UBE2L3: variants seen among roughly 807,000 people sequenced by gnomAD.
UBE2L3 encodes the protein ubiquitin-conjugating enzyme E2 L3.
Under a neutral mutation model 17.8 loss-of-function variants are expected in UBE2L3, and 1 was observed. The ratio of observed to expected loss-of-function variants is 0.06; its 90% CI spans 0.02 to 0.27. The LOEUF is 0.27. UBE2L3 is among the 10% of genes least tolerant of loss of function. The probability of loss-of-function intolerance (pLI) is 1.00; values close to 1 mark genes in which losing one functional copy is unlikely to be tolerated. For synonymous variants in UBE2L3, 44 were observed against 68.5 expected, an observed-to-expected ratio of 0.64 and a Z score of 1.76; for missense variants, 40 against 192.6, an observed-to-expected ratio of 0.21 and a Z score of 4.69.
chr22:21,556,760 C>T lies in UBE2L3; in HGVS notation c.201+7110C>T, dbSNP rs565746238. ...TACAGGCATGAGCCACCACACCTGGCCAATAAAAAAATTAATAGGCTGGGC... is the reference window on the plus strand; with the variant it reads ...TACAGGCATGAGCCACCACACCTGGTCAATAAAAAAATTAATAGGCTGGGC... On this transcript the variant is annotated intron_variant, in intron 1 of 3. Transcript: ENST00000458578. Among the ~76,000 whole-genome samples, 143 of 152,320 alleles carry T rather than the reference C, an allele frequency of 9.4e-4. 1 individual carries two copies. Among genetic ancestry groups the T allele is most frequent in the African/African-American group, 2.6e-3 (107 of 41,544 alleles).
chr22:21,615,900 G>C (rs1045286895), intron 3 of UBE2L3, among the ~76,000 whole-genome samples: 1 of 152,134 alleles, frequency 6.6e-6, no homozygotes, highest in Admixed American at 6.5e-5. Context: ...TGTGCTTTTT[G>C]TTGGTGATTT....
chr22:21,607,613 G>C (rs1326531010), intron 2 of UBE2L3, among the ~76,000 whole-genome samples: 2 of 152,102 alleles, frequency 1.3e-5, no homozygotes, highest in East Asian at 3.9e-4. Context: ...TGGCAGACCT[G>C]GGTGAGGGAA....
chr22:21,615,276 C>T (rs1329527724), intron 3 of UBE2L3, among the ~76,000 whole-genome samples: 3 of 151,968 alleles, frequency 2.0e-5, no homozygotes, highest in Non-Finnish European at 4.4e-5. Flanking sequence ...GCTAAATGGG[C>T]CGGGCGCGGT....
chr22:21,559,252 G>A (rs1203709795), intron 1 of UBE2L3, among the ~76,000 whole-genome samples: 2 of 152,150 alleles, frequency 1.3e-5, no homozygotes, highest in East Asian at 1.9e-4. Flanking sequence ...GGAGGCTGAG[G>A]CAGGAGAATT....
intron 3 of UBE2L3, among the ~76,000 whole-genome samples, chr22:21,617,587 C>T (rs1929841732): frequency 6.6e-6 from 1 of 151,948 alleles, no homozygotes; most frequent in African/African-American, 2.4e-5. Context: ...TTTTAAGCCC[C>T]TACATTTTGC....
At chr22:21,556,753 C>T (rs1432876978) in intron 1 of UBE2L3, among the ~76,000 whole-genome samples, 1 of 152,222 alleles carries the variant, frequency 6.6e-6, no homozygotes. Context: ...TGAGCCACCA[C>T]ACCTGGCCAA....
intron 3 of UBE2L3, among the ~76,000 whole-genome samples, chr22:21,614,955 A>AC (rs1601442423): frequency 6.6e-6 from 1 of 151,440 alleles, no homozygotes; most frequent in East Asian, 2.0e-4. Flanking sequence ...GGAGTTCAAG[A>AC]CCAGCCTGGC....
chr22:21,576,423 G>A (rs920983080), intron 1 of UBE2L3, among the ~76,000 whole-genome samples: 7 of 151,320 alleles, frequency 4.6e-5, no homozygotes, highest in African/African-American at 1.2e-4. Context: ...TCAGCCTCCC[G>A]AGTAGCCAGG....
Position 21,613,750 on chromosome 22 carries a change from T to C in UBE2L3, c.310+2707T>C, listed in dbSNP as rs1601441215. 2.6e-5 allele frequency among the ~76,000 whole-genome samples: 4 copies of C among 152,214 alleles called. No homozygotes were observed. In the East Asian group the frequency reaches 7.7e-4, roughly 29 times the overall value. ...ATTCCTGGGGTCACTCATGCAGCTG[T>C]ATTGAGGTGGGAACTCAACTTGGCT... On this transcript the variant is annotated intron_variant, in intron 3 of 3. Transcript: ENST00000342192.
intron 1 of UBE2L3, among the ~76,000 whole-genome samples, chr22:21,581,818 A>G (rs1416105488): frequency 6.6e-6 from 1 of 151,506 alleles, no homozygotes; most frequent in Admixed American, 6.6e-5. Flanking sequence ...AAAGAAAAAA[A>G]AATTCAGAAC....
intron 2 of UBE2L3, among the ~76,000 whole-genome samples, chr22:21,607,588 C>A (rs982035623): frequency 6.6e-6 from 1 of 151,050 alleles, no homozygotes; most frequent in Admixed American, 6.6e-5. Flanking sequence ...GTTGGGTGTG[C>A]CATGGCAAGT....
At chr22:21,612,638 C>CTTTTATTTTTTT in intron 3 of UBE2L3, among the ~76,000 whole-genome samples, 1 of 60,524 alleles carries the variant, frequency 1.7e-5, no homozygotes, top group Admixed American at 2.2e-4. Flanking sequence ...TTTTTCTTTT[C>CTTTTATTTTTTT]TTTTCTTTTT....
At chr22:21,569,417 A>G (rs984785169) in intron 1 of UBE2L3, among the ~76,000 whole-genome samples, 2 of 141,516 alleles carry the variant, frequency 1.4e-5, no homozygotes, top group Admixed American at 7.1e-5. Context: ...AAAAAAAAAG[A>G]TTTCTGGAGT....
intron 1 of UBE2L3, among the ~76,000 whole-genome samples, chr22:21,591,880 G>A (rs1358465398): frequency 1.3e-5 from 2 of 152,170 alleles, no homozygotes; most frequent in Non-Finnish European, 2.9e-5. Context: ...GGGCTGAGGC[G>A]GGTAGAGTGG....
At chr22:21,591,644 G>A (rs1359767065) in intron 1 of UBE2L3, among the ~76,000 whole-genome samples, 1 of 152,146 alleles carries the variant, frequency 6.6e-6, no homozygotes, top group African/African-American at 2.4e-5. Context: ...TGTGATGGAA[G>A]TATGAGGTGC....
intron 1 of UBE2L3, among the ~76,000 whole-genome samples, chr22:21,560,089 C>T (rs1487220829): frequency 6.6e-6 from 1 of 152,226 alleles, no homozygotes; most frequent in Non-Finnish European, 1.5e-5. Context: ...GCCTCTGCAG[C>T]GAGTGGTCAG....
chr22:21,582,350 T>TG (rs1927688520), intron 1 of UBE2L3, among the ~76,000 whole-genome samples: 1 of 151,086 alleles, frequency 6.6e-6, no homozygotes, highest in East Asian at 1.9e-4. Flanking sequence ...TGGGTTTTTT[T>TG]TTGTTGTTGT....
At chr22:21,590,360 G>A (rs2148420331) in intron 1 of UBE2L3, among the ~76,000 whole-genome samples, 1 of 152,114 alleles carries the variant, frequency 6.6e-6, no homozygotes, top group South Asian at 2.1e-4. Context: ...ACCACACCCG[G>A]CTGATTTTTG....
At chr22:21,580,293 T>C (rs1182191442) in intron 1 of UBE2L3, among the ~76,000 whole-genome samples, 2 of 152,232 alleles carry the variant, frequency 1.3e-5, no homozygotes, top group African/African-American at 4.8e-5. Context: ...ATCTGTGAAA[T>C]GGGGCTAATA....
Sources: gnomAD v4.1 joint callset for allele counts (sites outside exome capture counted in the v4.1 genomes callset) on GRCh38, gnomAD v4.1.1 for gene constraint, MANE v1.5 for transcripts, NCBI Gene and HGNC (gene_info 2026-07-23, HGNC 2026-07-21) for gene names.